Variants in NRXN2 observed in about 807,000 individuals in gnomAD.
NRXN2 encodes neurexin-2-beta.
A neutral mutation model predicts 128.8 loss-of-function variants in NRXN2; 29 were observed. The observed-to-expected ratio is 0.23, with a 90% CI of 0.17 to 0.31. The LOEUF is 0.31. Ranked by LOEUF, NRXN2 falls within the 10% of genes least tolerant of loss-of-function variation. The pLI, the probability that NRXN2 is intolerant of heterozygous loss-of-function variation, is 1.00. For missense variants in NRXN2, 1,881 were observed against 2,452.6 expected (o/e 0.77, Z 4.92); for synonymous variants, 1,098 against 1,075.2 (o/e 1.02, Z -0.41).
At chr11:64,653,845 T>G in intron 11 of NRXN2, 123 bp from the exon 12 acceptor site, 2 of 710,378 alleles carry the variant, frequency 2.8e-6, no homozygotes, top group Non-Finnish European at 2.4e-6. Context: ...AGGGCCACTT[T>G]CCGGGGACCA....
chr11:64,624,481 G>T (rs948633289), intron 20 of NRXN2, among the ~76,000 whole-genome samples: 3 of 152,262 alleles, frequency 2.0e-5, no homozygotes, highest in South Asian at 4.1e-4. Flanking sequence ...AGGGCCAGTG[G>T]TAGCAGCTCT....
Position 64,660,590 on chromosome 11 carries a change from G to T in NRXN2, c.2186-55C>A. ...GAGAAGACAGGCAGAGGCCAGGGGAGGGAGAAGACCAGAGAATCATTACAA... is the reference window on the plus strand; with the variant it reads ...GAGAAGACAGGCAGAGGCCAGGGGATGGAGAAGACCAGAGAATCATTACAA... On this transcript the variant is annotated intron_variant, in intron 10 of 22. Transcript: ENST00000265459. This position sits in a 1 kb window ranked among gnomAD's most constrained non-coding sequence, Gnocchi z 5.2. 6.3e-7 allele frequency: 1 copy of T among 1,599,502 alleles called. No homozygotes were observed. The highest frequency in any genetic ancestry group is 8.6e-7 in the Non-Finnish European group (1 of 1,169,324).
At chr11:64,679,907 C>T (rs1161139593) in intron 6 of NRXN2, among the ~76,000 whole-genome samples, 1 of 152,172 alleles carries the variant, frequency 6.6e-6, no homozygotes, top group Non-Finnish European at 1.5e-5. Context: ...AAGGGGTACA[C>T]AGCAGCCCAG....
In NRXN2 at chr11:64,630,442, C is replaced by T; in HGVS notation, c.3717G>A (p.Leu1239=). 6.2e-7 allele frequency: 1 copy of T among 1,613,380 alleles called. No homozygotes were observed. ...CGTTGACCGGCCAGCTGTCCACCTG[C>T]AGGGTGGCGTTGCCGCCGCTTCGAG... ...RFTRSGGNAT[L]QVDSWPVNER... is the part of the protein sequence containing the mutation. Residue 1239 remains leucine, a synonymous_variant, in exon 19 of 23, where the codon CTG becomes CTA. Coordinates refer to ENST00000265459, the MANE Select transcript of NRXN2 (RefSeq NM_015080.4). This position sits in a 1 kb window ranked among gnomAD's most constrained non-coding sequence, Gnocchi z 4.6.
In NRXN2 at chr11:64,607,202, A is replaced by G. The variant is rs750562381; in HGVS notation, c.5133T>C (p.Tyr1711=). ...KAKKNKDKEY[Y]V is the part of the protein sequence containing the mutation. ...GGGGCGCAGTGCCGGGGGCTCAGAC[A>G]TAATACTCCTTGTCTTTGTTCTTCT... Residue 1711 remains tyrosine, a synonymous_variant, in exon 23 of 23, where the codon TAT becomes TAC. Coordinates refer to ENST00000265459, the MANE Select transcript of NRXN2 (RefSeq NM_015080.4). The G allele has an allele frequency of 1.9e-6, 3 of 1,613,312 alleles. No homozygotes were observed. The South Asian group carries it at 3.3e-5, about 18-fold the overall frequency.
chr11:64,630,696 A>C lies in NRXN2; in HGVS notation c.3586-123T>G. ...ACTTAAGGCACCTTTCCCAGGTCTC[A>C]ACCGCTGGAGGAGGTGGGCAGGCTC... On this transcript the variant is annotated intron_variant, in intron 18 of 22. Coordinates refer to ENST00000265459, the MANE Select transcript of NRXN2 (RefSeq NM_015080.4). The surrounding 1 kb of genome is among the most constrained non-coding windows in gnomAD (Gnocchi z 4.6). 8.6e-6 allele frequency: 10 copies of C among 1,156,574 alleles called. No individual in the cohort carries two copies. The highest frequency in any genetic ancestry group is 1.5e-5 in the African/African-American group (1 of 65,862). 71.6% of individuals were successfully genotyped at this position (1,156,574 alleles called of 1,614,324 possible).
rs1292610716 is a variant in NRXN2 at position 64,650,442 on chromosome 11, C to A, written c.3109+6G>T. The A allele has an allele frequency of 1.2e-6, 2 of 1,613,960 alleles. No homozygotes were observed. Among genetic ancestry groups the A allele is most frequent in the Non-Finnish European group, 1.7e-6 (2 of 1,179,998 alleles). On this transcript the variant is annotated splice_donor_region_variant and intron_variant, in intron 15 of 22. Transcript: ENST00000265459. Reference sequence around the variant, plus strand: ...GCCAGGCCTTCTCCAGAGGCCCCAGCCCCACCTTTGAGATCGAGGTTTCGG... The same window carrying A: ...GCCAGGCCTTCTCCAGAGGCCCCAGACCCACCTTTGAGATCGAGGTTTCGG...
chr11:64,685,303 A>G (rs539724146), intron 6 of NRXN2, among the ~76,000 whole-genome samples: 4 of 151,778 alleles, frequency 2.6e-5, no homozygotes, highest in Non-Finnish European at 5.9e-5. Context: ...CACTCCTCCC[A>G]TCTCCTGAAT....
intron 2 of NRXN2, among the ~76,000 whole-genome samples, chr11:64,699,420 G>GTTTTTT (rs1592201705): frequency 3.9e-5 from 2 of 51,592 alleles, no homozygotes; most frequent in African/African-American, 7.4e-5. Flanking sequence ...ATGTCTAATA[G>GTTTTTT]TTTTCTTTTT....
Position 64,652,171 on chromosome 11 carries a change from G to T in NRXN2, c.2417-17C>A, listed in dbSNP as rs753744410. The T allele has an allele frequency of 6.2e-7, 1 of 1,607,478 alleles. No individual in the cohort carries two copies. The highest frequency in any genetic ancestry group is 8.5e-7 in the Non-Finnish European group (1 of 1,178,606). On this transcript the variant is annotated splice_polypyrimidine_tract_variant and intron_variant, in intron 12 of 22. Coordinates refer to ENST00000265459, the MANE Select transcript of NRXN2 (RefSeq NM_015080.4). ...GGCCTTTACCTGCGGCACCAAGGGG[G>T]GAATGAGGAGGGCACCTATACATGC...
rs187890418 is a variant in NRXN2 at position 64,606,838 on chromosome 11, G to C, written c.*358C>G. On this transcript the variant is annotated 3_prime_UTR_variant, in exon 23 of 23. Transcript: ENST00000265459. ...AAGAAAAATTGAGGAAAATTAACAG[G>C]ACGAGCAGTGGACACTTTACAAAAC... 9.2e-4 allele frequency: 235 copies of C among 256,462 alleles called. No homozygotes were observed. Among genetic ancestry groups the C allele is most frequent in the Admixed American group, 5.2e-3 (107 of 20,642 alleles). The allele number at this position is 256,462 out of a possible 1,614,324, so 15.9% of individuals were successfully genotyped here. A position where few individuals can be genotyped will look rare whatever the true frequency, so the allele number is the denominator to read the frequency against.
chr11:64,683,956 A>G (rs898342250), intron 6 of NRXN2, among the ~76,000 whole-genome samples: 2 of 152,050 alleles, frequency 1.3e-5, no homozygotes, highest in Admixed American at 6.5e-5. Context: ...CTTGGGTATC[A>G]CTTGAGTCCT....
At position 64,623,236 on chromosome 11, in the gene NRXN2, A is replaced by G; in HGVS notation, c.3848-158T>C. 7.9e-7 allele frequency: 1 copy of G among 1,273,258 alleles called. No individual in the cohort carries two copies. The highest frequency in any genetic ancestry group is 1.1e-6 in the Non-Finnish European group (1 of 948,638). 78.9% of individuals were successfully genotyped at this position (1,273,258 alleles called of 1,614,324 possible). On this transcript the variant is annotated intron_variant, in intron 20 of 22. Coordinates refer to ENST00000265459, the MANE Select transcript of NRXN2 (RefSeq NM_015080.4). This position sits in a 1 kb window ranked among gnomAD's most constrained non-coding sequence, Gnocchi z 4.9. ...GGGGAGAAATGAGGAAGGGGCAGAA[A>G]GCCAAAGGGAAAGTCCTTGTCAGCC...
intron 17 of NRXN2, among the ~76,000 whole-genome samples, chr11:64,640,268 C>A (rs2045464358): frequency 6.6e-6 from 1 of 152,228 alleles, no homozygotes. Flanking sequence ...GCTTTTGCTC[C>A]TTCACGGAAT....
intron 9 of NRXN2, among the ~76,000 whole-genome samples, chr11:64,663,499 A>G (rs932458939): frequency 7.2e-5 from 11 of 152,116 alleles, no homozygotes; most frequent in African/African-American, 2.4e-4. Flanking sequence ...CCCACTTCCC[A>G]GGGCTGGGGG....
At chr11:64,611,566 G>A (rs1158335582) in intron 22 of NRXN2, among the ~76,000 whole-genome samples, 1 of 152,224 alleles carries the variant, frequency 6.6e-6, no homozygotes, top group Admixed American at 6.5e-5. Context: ...CCAACCTGCT[G>A]TCCCCAGCCA....
At chr11:64,616,465 A>T (rs1031302707) in intron 22 of NRXN2, among the ~76,000 whole-genome samples, 1 of 152,146 alleles carries the variant, frequency 6.6e-6, no homozygotes, top group Non-Finnish European at 1.5e-5. Context: ...CTGTCTGAAC[A>T]TGCATGTAGG....
chr11:64,695,730 G>GCGCA (rs140421809), intron 3 of NRXN2, among the ~76,000 whole-genome samples: 2 of 150,494 alleles, frequency 1.3e-5, no homozygotes, highest in African/African-American at 2.4e-5. Flanking sequence ...ACACACACGC[G>GCGCA]CACACACACA....
intron 2 of NRXN2, among the ~76,000 whole-genome samples, chr11:64,708,359 T>C (rs2056550274): frequency 6.6e-6 from 1 of 152,242 alleles, no homozygotes; most frequent in South Asian, 2.1e-4. Context: ...TCACTCCACC[T>C]GAGGTCTCAC....
Sources: allele counts gnomAD v4.1 joint callset (sites outside exome capture counted in the v4.1 genomes callset), GRCh38; gene constraint gnomAD v4.1.1; non-coding constraint Gnocchi (gnomAD v3.1); transcripts MANE v1.5; gene names NCBI Gene and HGNC (gene_info 2026-07-23, HGNC 2026-07-21).